The following PKD1 variants were observed in gnomAD, a reference collection of about 807,000 sequenced individuals.
PKD1 encodes polycystin 1, transient receptor potential channel interacting, also known as polycystin-1.
A neutral mutation model predicts 361.7 loss-of-function variants in PKD1; 81 were observed. The observed-to-expected ratio is 0.22, with a 90% confidence interval of 0.19 to 0.27. The LOEUF is 0.27. Among genes scored for constraint, PKD1 ranks in the 10% least tolerant of loss-of-function variants. The pLI is 1.00. For missense variants in PKD1, 6,399 were observed against 6,118.3 expected (o/e 1.05, Z -1.53); for synonymous variants, 3,615 against 2,818.3 (o/e 1.28, Z -8.95).
At chr16:2,099,235 T>C (rs75012978) in intron 30 of PKD1, 3,850 of 354,234 alleles carry the variant, frequency 0.011, 151 homozygotes, top group Admixed American at 0.091. Flanking sequence ...GTGTTGGGAT[T>C]ACAGGCGTGA....
In PKD1 at chr16:2,111,030, C is replaced by A. The variant is rs761483868; in HGVS notation, c.4137G>T (p.Glu1379Asp). The change falls in exon 15 of 46, where the codon GAG (glutamate) becomes GAT (aspartate). Residue 1379 changes from glutamate to aspartate, a missense_variant. Transcript: ENST00000262304. ...HYFTSICVEP[E>D]VGNVTLQPER... ...CTGGCTGCAGGGTGACGTTGCCCAC[C>A]TCTGGCTCCACGCAGATGCTGGTGA... 1 of 1,610,608 alleles carries A rather than the reference C, an allele frequency of 6.2e-7. No homozygotes were observed. The highest frequency in any genetic ancestry group is 8.5e-7 in the Non-Finnish European group (1 of 1,179,826).
chr16:2,098,233 T>C (rs1244879186), intron 30 of PKD1: 2 of 561,916 alleles, frequency 3.6e-6, no homozygotes, highest in Non-Finnish European at 6.4e-6. Context: ...CTTTTTTAGA[T>C]GGAGTCTCGC....
chr16:2,135,336 G>T lies in PKD1; in HGVS notation c.215+139C>A, dbSNP rs575058381. On this transcript the variant is annotated intron_variant, in intron 1 of 45. Transcript: ENST00000262304. ...CGCGGCTCCAGGCGTTCCTTATTTA[G>T]CAGGGCCGCCGTGCCGCGCCGGAGC... 2.1e-4 allele frequency: 229 copies of T among 1,074,216 alleles called. No homozygotes were observed. The African/African-American group carries it at 3.5e-3, about 16-fold the overall frequency. The allele number at this position is 1,074,216 out of a possible 1,614,324, so 66.5% of individuals were successfully genotyped here.
In PKD1 at chr16:2,115,532, G is replaced by C. The variant is rs2092617698; in HGVS notation, c.1943C>G (p.Pro648Arg). 1 of 1,594,150 alleles carries C rather than the reference G, an allele frequency of 6.3e-7. No homozygotes were observed. The highest frequency in any genetic ancestry group is 2.3e-5 in the East Asian group (1 of 44,262). ...CAGCGGCAAGCAGATGTTGGCTCCA[G>C]GGCACCAGCGTCCCCCTGGCATGCA... ...PACMPGGRWCPGANICLPLDA... is the reference protein window; with the variant it reads ...PACMPGGRWCRGANICLPLDA... Residue 648 changes from proline to arginine, a missense_variant, in exon 10 of 46, where the codon CCT (proline) becomes CGT (arginine). By Grantham distance (103) the Pro-to-Arg change is moderately radical. Coordinates refer to ENST00000262304, the MANE Select transcript of PKD1 (RefSeq NM_001009944.3).
rs373423520 is a variant in PKD1, at chr16:2,092,541, G to A, written c.11208C>T (p.His3736=). The stretch of plus-strand genomic sequence containing the variant: ...CCAGCTCTGGGCTGGACTGGTTCCC[G>A]TGGACGTAGGGCAGCAGCACGTGGG... ...WMAHVLLPYV[H]GNQSSPELGP... Residue 3736 remains histidine (H), a synonymous_variant, in exon 39 of 46, where the codon CAC becomes CAT. Transcript: ENST00000262304. 2.0e-5 allele frequency: 33 copies of A among 1,612,558 alleles called. No individual in the cohort carries two copies. Among genetic ancestry groups the A allele is most frequent in the Middle Eastern group, 1.6e-4 (1 of 6,084 alleles).
At chr16:2,119,507 A>G (rs1388921102) in intron 1 of PKD1, 129 bp from the exon 2 acceptor site, 1 of 706,074 alleles carries the variant, frequency 1.4e-6, no homozygotes, top group African/African-American at 1.8e-5. Flanking sequence ...CCACTCCCAG[A>G]GGTCAGGAGG....
In PKD1 at chr16:2,106,448, G is replaced by A. The variant is rs1307972526; in HGVS notation, c.7439C>T (p.Pro2480Leu). 1 of 1,590,130 alleles carries A rather than the reference G, an allele frequency of 6.3e-7. No homozygotes were observed. Among genetic ancestry groups the A allele is most frequent in the Non-Finnish European group, 8.5e-7 (1 of 1,173,828 alleles). Reference sequence around the variant, plus strand: ...GGTGAGGGCGTGCACAGCGCCCAGTGGGAAGAGGCGGCAAGAGCCCCCCAG... The same window carrying A: ...GGTGAGGGCGTGCACAGCGCCCAGTAGGAAGAGGCGGCAAGAGCCCCCCAG... ...PPLGGSCRLF[P>L]LGAVHALTTK... The change falls in exon 18 of 46, where the codon CCA becomes CTA. Residue 2480 changes from proline (P) to leucine (L), a missense_variant. By Grantham distance (98) the Pro-to-Leu change is moderately conservative. Transcript: ENST00000262304. This position sits in a 1 kb window ranked among gnomAD's most constrained non-coding sequence, Gnocchi z 6.5.
intron 7 of PKD1, 93 bp from the exon 8 acceptor site, chr16:2,116,737 C>G: frequency 9.0e-7 from 1 of 1,110,168 alleles, no homozygotes; most frequent in South Asian, 1.3e-5. Flanking sequence ...AACCCCCCCA[C>G]CAGCCCCTCC....
chr16:2,089,491 AC>A lies in PKD1; in HGVS notation c.*235del, dbSNP rs1053597274. ...TAAATTAGCATCTCAGAGGCTAGAA[AC>A]CGTCCAATACTGCTGTGTCCTTCCC... On this transcript the variant is annotated 3_prime_UTR_variant, in exon 46 of 46. Transcript: ENST00000262304. 5.2e-6 allele frequency: 3 copies of A among 576,952 alleles called. No homozygotes were observed. The highest frequency in any genetic ancestry group is 3.8e-5 in the African/African-American group (2 of 53,298). 35.7% of individuals were successfully genotyped at this position (576,952 alleles called of 1,614,324 possible).
In PKD1 at chr16:2,117,225, G is replaced by A. The variant is rs539700080; in HGVS notation, c.1386-172C>T. On this transcript the variant is annotated intron_variant, in intron 6 of 45. Transcript: ENST00000262304. Reference sequence around the variant, plus strand: ...CAGGCTCACAGCAGCACCCACCCACGGGGCCTGTGGGTACCGGCAGGGATC... The same window carrying A: ...CAGGCTCACAGCAGCACCCACCCACAGGGCCTGTGGGTACCGGCAGGGATC... Among the ~76,000 whole-genome samples, 56 of 152,286 alleles carry A rather than the reference G, an allele frequency of 3.7e-4. 1 individual carries two copies. The highest frequency in any genetic ancestry group is 1.3e-3 in the African/African-American group (55 of 41,556).
Position 2,106,232 on chromosome 16 carries a change from T to C in PKD1, c.7562A>G (p.His2521Arg), listed in dbSNP as rs202162543. ...ALLLRRCRQG[H>R]CEEFCVYKGS... Reference sequence around the variant, plus strand: ...CTTGTAGACACAGAACTCCTCGCAGTGGCCCTGGCGACAGCGCCGCAGCAG... The same window carrying C: ...CTTGTAGACACAGAACTCCTCGCAGCGGCCCTGGCGACAGCGCCGCAGCAG... Residue 2521 changes from histidine to arginine, a missense_variant, in exon 19 of 46, where the codon CAC (histidine) becomes CGC (arginine). By Grantham distance (29) the His-to-Arg change is conservative (BLOSUM62 0). Coordinates refer to ENST00000262304, the MANE Select transcript of PKD1 (RefSeq NM_001009944.3). The surrounding 1 kb of genome is among the most constrained non-coding windows in gnomAD (Gnocchi z 6.5). 62 of 1,610,204 alleles carry C rather than the reference T, an allele frequency of 3.9e-5. No homozygotes were observed. In the South Asian group the frequency reaches 6.4e-4, roughly 17 times the overall value.
intron 15 of PKD1, 80 bp from the exon 16 acceptor site, chr16:2,108,112 C>A: frequency 1.3e-6 from 2 of 1,528,604 alleles, no homozygotes; most frequent in South Asian, 2.3e-5. Context: ...GGAGACAGCG[C>A]GGGAGACCCC....
At chr16:2,104,347 AATT>A in intron 22 of PKD1, 148 bp downstream of exon 22, 9 of 471,002 alleles carry the variant, frequency 1.9e-5, no homozygotes, top group South Asian at 3.9e-5. Flanking sequence ...GGAGAATGGG[AATT>A]GGGGGAGGGG....
Position 2,093,832 on chromosome 16 carries a change from G to T in PKD1, c.10800C>A (p.Phe3600Leu), listed in dbSNP as rs375959717. The change falls in exon 36 of 46, where the codon TTC (phenylalanine) becomes TTA (leucine). Residue 3600 changes from phenylalanine to leucine, a missense_variant. Physicochemically the swap from Phe to Leu is conservative, Grantham distance 22 (BLOSUM62 0). Transcript: ENST00000262304. Reference sequence around the variant, plus strand: ...TCACCTTCAGTGGCTCCCAGCCGAGGAATGAGGCCAGGAAGCTGGCGCTGC... The same window carrying T: ...TCACCTTCAGTGGCTCCCAGCCGAGTAATGAGGCCAGGAAGCTGGCGCTGC... ...LSSSASFLAS[F>L]LGWEPLKVLL... The T allele has an allele frequency of 4.7e-5, 73 of 1,560,934 alleles. No homozygotes were observed. The African/African-American group carries it at 9.1e-4, about 19-fold the overall frequency.
intron 34 of PKD1, chr16:2,096,836 A>C (rs1596499030): frequency 4.5e-6 from 2 of 448,550 alleles, no homozygotes. Context: ...GTATTTAAAA[A>C]CCCGCCCATA....
At chr16:2,113,876 G>C (rs569215514) in intron 11 of PKD1, 8 of 512,880 alleles carry the variant, frequency 1.6e-5, no homozygotes, top group African/African-American at 3.8e-5. Flanking sequence ...CACAGCAGAG[G>C]GCGTGAGAGA....
chr16:2,104,515 C>G lies in PKD1; in HGVS notation c.8144G>C (p.Ser2715Thr). 1 of 1,545,260 alleles carries G rather than the reference C, an allele frequency of 6.5e-7. No homozygotes were observed. The highest frequency in any genetic ancestry group is 8.8e-7 in the Non-Finnish European group (1 of 1,141,918). ...CGCGGCACCTGTGATGTTGAGGATG[C>G]TGTCTCCGATGGCGGTGGGCGTCAC... is the stretch of plus-strand genomic sequence containing the variant. ...GTVTPTAIGD[S>T]ILNITGDLIH... is the part of the protein sequence containing the mutation. Residue 2715 changes from serine (S) to threonine (T), a missense_variant, in exon 22 of 46, where the codon AGC becomes ACC. Physicochemically the swap from Ser to Thr is moderately conservative, Grantham distance 58 (BLOSUM62 1). Transcript: ENST00000262304.
At position 2,110,202 on chromosome 16, in the gene PKD1, C is replaced by T. The variant is rs746891408; in HGVS notation, c.4965G>A (p.Val1655=). 1.2e-6 allele frequency: 2 copies of T among 1,611,688 alleles called. No homozygotes were observed. Among genetic ancestry groups the T allele is most frequent in the South Asian group, 2.2e-5 (2 of 91,026 alleles). Reference sequence around the variant, plus strand: ...AGGAGACGTTGGTGCCATCCCTAACCACGGCCTGCAGCTGTACCGTGTGGT... The same window carrying T: ...AGGAGACGTTGGTGCCATCCCTAACTACGGCCTGCAGCTGTACCGTGTGGT... ...PTNHTVQLQA[V]VRDGTNVSYS... Residue 1655 remains valine (V), a synonymous_variant, in exon 15 of 46, where the codon GTG becomes GTA. Transcript: ENST00000262304.
intron 6 of PKD1, 144 bp from the exon 7 acceptor site, chr16:2,117,197 G>A: frequency 1.6e-6 from 1 of 638,948 alleles, no homozygotes; most frequent in Non-Finnish European, 2.7e-6. Context: ...GGGCCCACCA[G>A]CCCAGGCTCA....
Sources: gnomAD v4.1 joint callset for allele counts (sites outside exome capture counted in the v4.1 genomes callset) on GRCh38, gnomAD v4.1.1 for gene constraint, Gnocchi (gnomAD v3.1) non-coding constraint, MANE v1.5 for transcripts, NCBI Gene and HGNC (gene_info 2026-07-23, HGNC 2026-07-21) for gene names.